The following CLSTN2 variants were observed in gnomAD, a reference collection of about 807,000 sequenced individuals.
CLSTN2 encodes the protein calsyntenin-2.
CLSTN2 carries 48 observed loss-of-function variants against 101.2 expected under a neutral mutation model. That is an observed-to-expected ratio of 0.47 (90% confidence interval 0.38 to 0.60). CLSTN2 has a LOEUF of 0.60. CLSTN2 is among the 20% of genes least tolerant of loss of function. The pLI, the probability that CLSTN2 is intolerant of heterozygous loss-of-function variation, is 0.00. For missense variants in CLSTN2, 1,160 were observed against 1,238.2 expected (o/e 0.94, Z 0.95); for synonymous variants, 481 against 463.6 (o/e 1.04, Z -0.48).
intron 2 of CLSTN2, among the ~76,000 whole-genome samples, chr3:140,245,079 G>A (rs2086503640): frequency 6.6e-6 from 1 of 152,120 alleles, no homozygotes; most frequent in Non-Finnish European, 1.5e-5. Context: ...AAGGTACTTC[G>A]GGAGACCCTG....
chr3:140,140,065 T>A (rs2009673774), intron 1 of CLSTN2, among the ~76,000 whole-genome samples: 1 of 152,208 alleles, frequency 6.6e-6, no homozygotes, highest in Admixed American at 6.5e-5. Context: ...GGCACCAGCC[T>A]CAGGTTTTTT....
chr3:140,302,752 T>A (rs16850127), intron 2 of CLSTN2, among the ~76,000 whole-genome samples: 25,536 of 152,006 alleles, frequency 0.17, 2,515 homozygotes, highest in East Asian at 0.37. Flanking sequence ...GTGAGGCAAG[T>A]GTATAGAACA....
intron 2 of CLSTN2, among the ~76,000 whole-genome samples, chr3:140,312,655 G>A (rs2087182053): frequency 6.6e-6 from 1 of 152,192 alleles, no homozygotes; most frequent in African/African-American, 2.4e-5. Context: ...ATTGTCAGGA[G>A]CCAGGATAAG....
At chr3:140,381,153 G>C (rs1246804718) in intron 2 of CLSTN2, among the ~76,000 whole-genome samples, 1 of 152,104 alleles carries the variant, frequency 6.6e-6, no homozygotes, top group Admixed American at 6.6e-5. Flanking sequence ...GGCTTTCCTT[G>C]GCTTGCAGAT....
At chr3:139,964,017 G>A (rs564432322) in intron 1 of CLSTN2, among the ~76,000 whole-genome samples, 1 of 152,310 alleles carries the variant, frequency 6.6e-6, no homozygotes, top group South Asian at 2.1e-4. Flanking sequence ...TAGGGCAGAT[G>A]TTCCCCAGCT....
Position 140,403,579 on chromosome 3 carries a change from A to AG in CLSTN2, c.233-49dup, listed in dbSNP as rs773081653. ...CTGGTCCAATGGAAGCACTGTCTTC[A>AG]GTCTGGCAATTCTCAGGATTCCCAC... On this transcript the variant is annotated intron_variant, in intron 2 of 16. Transcript: ENST00000458420. 164 of 1,459,756 alleles carry AG rather than the reference A, an allele frequency of 1.1e-4. No homozygotes were observed. The Middle Eastern group carries it at 4.2e-3, about 37-fold the overall frequency. The allele number at this position is 1,459,756 out of a possible 1,614,324, so 90.4% of individuals were successfully genotyped here.
chr3:140,271,131 C>T (rs907647335), intron 2 of CLSTN2, among the ~76,000 whole-genome samples: 6 of 152,152 alleles, frequency 3.9e-5, no homozygotes, highest in African/African-American at 1.4e-4. Flanking sequence ...TGCATCATTG[C>T]TCCCCAGTCA....
chr3:140,357,954 G>T (rs1297535981), intron 2 of CLSTN2, among the ~76,000 whole-genome samples: 2 of 152,192 alleles, frequency 1.3e-5, no homozygotes, highest in Admixed American at 6.5e-5. Flanking sequence ...TTAATGTAAA[G>T]TGCCCTGGCA....
chr3:140,482,563 A>G (rs1238398245), intron 8 of CLSTN2, among the ~76,000 whole-genome samples: 1 of 152,112 alleles, frequency 6.6e-6, no homozygotes, highest in African/African-American at 2.4e-5. Flanking sequence ...CTGTGAATCG[A>G]TCTGGTCCTG....
chr3:140,481,473 A>G (rs1559882771), intron 8 of CLSTN2, among the ~76,000 whole-genome samples: 5 of 152,130 alleles, frequency 3.3e-5, no homozygotes, highest in Non-Finnish European at 5.9e-5. Context: ...GTTTTTTTCC[A>G]ATTCTGTGAA....
intron 2 of CLSTN2, among the ~76,000 whole-genome samples, chr3:140,352,768 G>A (rs761114647): frequency 3.3e-5 from 5 of 152,016 alleles, no homozygotes; most frequent in Admixed American, 6.6e-5. Context: ...GTTGGGGCCT[G>A]TTATCTTCTT....
At chr3:140,544,248 A>C (rs1180533949) in intron 9 of CLSTN2, among the ~76,000 whole-genome samples, 3 of 152,182 alleles carry the variant, frequency 2.0e-5, no homozygotes, top group Non-Finnish European at 2.9e-5. Context: ...AGCCCCTAAC[A>C]CTTGCTCAGT....
chr3:140,100,995 G>A (rs988038897), intron 1 of CLSTN2, among the ~76,000 whole-genome samples: 1 of 152,166 alleles, frequency 6.6e-6, no homozygotes, highest in South Asian at 2.1e-4. Flanking sequence ...CAAAGCAGAG[G>A]GAAGGGCAAG....
intron 2 of CLSTN2, among the ~76,000 whole-genome samples, chr3:140,365,527 CA>C (rs1395642492): frequency 6.6e-6 from 1 of 152,206 alleles, no homozygotes. Flanking sequence ...AGTCCTTCCA[CA>C]GGTTTCCTCC....
intron 8 of CLSTN2, among the ~76,000 whole-genome samples, chr3:140,520,064 G>A (rs1934995670): frequency 6.6e-6 from 1 of 152,150 alleles, no homozygotes; most frequent in African/African-American, 2.4e-5. Flanking sequence ...CTTCACTTAT[G>A]AAGCTAACTT....
rs555660280 is a variant in CLSTN2, at chr3:140,572,354, A to C, written c.*6101A>C. 2.0e-5 allele frequency: 3 copies of C among 152,378 alleles called. No homozygotes were observed. In the East Asian group the frequency reaches 5.8e-4, roughly 29 times the overall value. 9.4% of individuals were successfully genotyped at this position (152,378 alleles called of 1,614,324 possible). A position where few individuals can be genotyped will look rare whatever the true frequency, so the allele number is the denominator to read the frequency against. ...AAGCCAGTTACCCTGCCCACTGGGC[A>C]GAAATAACATGGTTGACAGCTGACA... On this transcript the variant is annotated 3_prime_UTR_variant, in exon 17 of 17. Transcript: ENST00000458420.
rs140474880 is a variant in CLSTN2, at chr3:140,166,523, G to A, written c.110-9428G>A. Among the ~76,000 whole-genome samples, 44 of 152,294 alleles carry A rather than the reference G, an allele frequency of 2.9e-4. No individual in the cohort carries two copies. The East Asian group carries it at 3.7e-3, about 13-fold the overall frequency. ...GAAAGGTCAGAAAGTAGCCAGAAAC[G>A]TCATCTTTAGGTAAAAGCATAAAGA... On this transcript the variant is annotated intron_variant, in intron 1 of 16. Coordinates refer to ENST00000458420, the MANE Select transcript of CLSTN2 (RefSeq NM_022131.3).
intron 1 of CLSTN2, among the ~76,000 whole-genome samples, chr3:139,969,673 C>T (rs1277863739): frequency 6.6e-6 from 1 of 152,206 alleles, no homozygotes; most frequent in African/African-American, 2.4e-5. Flanking sequence ...CCTGTCTGCT[C>T]TCCTGCCTGC....
intron 8 of CLSTN2, among the ~76,000 whole-genome samples, chr3:140,523,246 T>A (rs763391462): frequency 6.6e-6 from 1 of 152,202 alleles, no homozygotes; most frequent in Non-Finnish European, 1.5e-5. Context: ...GGGACCCGAA[T>A]TCAGACAGTC....
Sources: gnomAD v4.1 joint callset for allele counts (sites outside exome capture counted in the v4.1 genomes callset) on GRCh38, gnomAD v4.1.1 for gene constraint, MANE v1.5 for transcripts, NCBI Gene and HGNC (gene_info 2026-07-23, HGNC 2026-07-21) for gene names.